WWOX: variants seen among roughly 807,000 people sequenced by gnomAD.
WWOX encodes the protein WW domain containing oxidoreductase, also known as WW domain-containing oxidoreductase.
Under a neutral mutation model 46.2 loss-of-function variants are expected in WWOX, and 69 were observed. The observed-to-expected ratio is 1.49, with a 90% CI of 1.23 to 1.82. The LOEUF (loss-of-function observed/expected upper bound fraction) is 1.82. WWOX is among the 40% of genes most tolerant of loss of function. The pLI, the probability that WWOX is intolerant of heterozygous loss-of-function variation, is 0.00. For synonymous variants in WWOX, 359 were observed against 202.6 expected (o/e 1.77, Z -6.56); for missense variants, 919 against 542.6 (o/e 1.69, Z -6.89).
chr16:78,829,861 T>C (rs2051767828), intron 8 of WWOX, among the ~76,000 whole-genome samples: 1 of 152,126 alleles, frequency 6.6e-6, no homozygotes, highest in African/African-American at 2.4e-5. Flanking sequence ...GTTTTATTAA[T>C]GAGAAAAGCT....
At chr16:78,923,580 A>G (rs998414131) in intron 8 of WWOX, among the ~76,000 whole-genome samples, 1 of 152,094 alleles carries the variant, frequency 6.6e-6, no homozygotes, top group East Asian at 1.9e-4. Context: ...ATAGTGTGTT[A>G]GCAGCTTTTT....
chr16:78,371,033 A>G (rs1228475505), intron 5 of WWOX, among the ~76,000 whole-genome samples: 1 of 84,620 alleles, frequency 1.2e-5, no homozygotes, highest in Non-Finnish European at 2.7e-5. Context: ...TCTTGCTGTT[A>G]TCCTCACTTT....
intron 8 of WWOX, among the ~76,000 whole-genome samples, chr16:79,197,854 C>T (rs1030538665): frequency 1.3e-5 from 2 of 152,104 alleles, no homozygotes. Flanking sequence ...CTCCAGGGAT[C>T]TTGTGTCCTG....
chr16:78,965,870 T>G (rs1477366449), intron 8 of WWOX, among the ~76,000 whole-genome samples: 1 of 152,188 alleles, frequency 6.6e-6, no homozygotes, highest in African/African-American at 2.4e-5. Flanking sequence ...TTAACACTAT[T>G]AGATTTTCCC....
At chr16:78,707,079 G>A (rs1260482400) in intron 8 of WWOX, among the ~76,000 whole-genome samples, 1 of 152,178 alleles carries the variant, frequency 6.6e-6, no homozygotes, top group Admixed American at 6.5e-5. Context: ...CAAGGACAAA[G>A]TGCTGGAATA....
At chr16:78,525,504 A>C (rs1597212027) in intron 8 of WWOX, 1 of 152,196 alleles carries the variant, frequency 6.6e-6, no homozygotes, top group East Asian at 1.9e-4. Context: ...TTATAAAGTC[A>C]AATGGGAGAT....
chr16:78,636,489 T>G (rs984489252), intron 8 of WWOX, among the ~76,000 whole-genome samples: 6 of 152,190 alleles, frequency 3.9e-5, no homozygotes, highest in Non-Finnish European at 7.3e-5. Context: ...CTTAATGAGG[T>G]TCTGCTGTGT....
chr16:78,414,257 C>T (rs1185061262), intron 6 of WWOX, among the ~76,000 whole-genome samples: 2 of 152,182 alleles, frequency 1.3e-5, no homozygotes, highest in Admixed American at 6.5e-5. Context: ...CTCCGTCTGC[C>T]TGCACTCAGG....
chr16:79,211,522 C>A, intron 8 of WWOX, 86 bp from the exon 9 acceptor site: 2 of 1,574,808 alleles, frequency 1.3e-6, no homozygotes, highest in Non-Finnish European at 1.7e-6. Context: ...TGGGGGAGGC[C>A]TGCTAATGCC....
rs139974959 is a variant in WWOX, at chr16:78,278,895, G to T, written c.517-107965G>T. Among the ~76,000 whole-genome samples, 515 of 152,266 alleles carry T rather than the reference G, an allele frequency of 3.4e-3. 1 individual carries two copies. The highest frequency in any genetic ancestry group is 0.012 in the African/African-American group (483 of 41,546). The stretch of plus-strand genomic sequence containing the variant: ...TGTTTTAAAGTGTGTGTGTTTGTGT[G>T]TGCGTGTACGTGTATACATGTGTTT... On this transcript the variant is annotated intron_variant, in intron 5 of 8. Transcript: ENST00000566780.
intron 8 of WWOX, among the ~76,000 whole-genome samples, chr16:78,723,811 C>A (rs184261224): frequency 2.6e-5 from 4 of 152,094 alleles, no homozygotes; most frequent in Admixed American, 2.0e-4. Context: ...ATCACTCAGA[C>A]TAAGCAGTTG....
At chr16:78,235,213 A>G (rs558368185) in intron 5 of WWOX, among the ~76,000 whole-genome samples, 20 of 152,300 alleles carry the variant, frequency 1.3e-4, no homozygotes, top group African/African-American at 4.6e-4. Flanking sequence ...CCTTTCTTCA[A>G]ACAGCTCAGT....
chr16:78,226,175 C>T lies in WWOX; in HGVS notation c.516+61886C>T, dbSNP rs185054096. 3.9e-5 allele frequency among the ~76,000 whole-genome samples: 6 copies of T among 152,278 alleles called. No individual in the cohort carries two copies. In the East Asian group the frequency reaches 1.2e-3, roughly 29 times the overall value. ...GATGAATAGCCTTAAGCCCTCAAAG[C>T]TGAGCCCTTTGGGGTAACTTGCTCT... On this transcript the variant is annotated intron_variant, in intron 5 of 8. Transcript: ENST00000566780.
intron 5 of WWOX, among the ~76,000 whole-genome samples, chr16:78,174,381 A>T (rs1385274285): frequency 1.3e-5 from 2 of 152,146 alleles, no homozygotes; most frequent in African/African-American, 4.8e-5. Context: ...CCCATGATTC[A>T]ATTACCTCCC....
Position 79,000,137 on chromosome 16 carries a change from C to T in WWOX, c.1057-211471C>T, listed in dbSNP as rs553128115. 2.6e-5 allele frequency among the ~76,000 whole-genome samples: 4 copies of T among 152,246 alleles called. No individual in the cohort carries two copies. In the South Asian group the frequency reaches 8.3e-4, roughly 32 times the overall value. On this transcript the variant is annotated intron_variant, in intron 8 of 8. Coordinates refer to ENST00000566780, the MANE Select transcript of WWOX (RefSeq NM_016373.4). The stretch of plus-strand genomic sequence containing the variant: ...ACCATTTGACTGCTGCTCCTTTGTC[C>T]AGACACATTTAACACCATCTCCCTG...
intron 8 of WWOX, among the ~76,000 whole-genome samples, chr16:79,115,158 G>T (rs1180132401): frequency 2.9e-4 from 44 of 152,254 alleles, no homozygotes; most frequent in Non-Finnish European, 2.9e-5. Context: ...CATGTTCTTA[G>T]TCAGTATGGT....
At chr16:79,189,524 C>G (rs1227638960) in intron 8 of WWOX, among the ~76,000 whole-genome samples, 1 of 151,606 alleles carries the variant, frequency 6.6e-6, no homozygotes, top group Non-Finnish European at 1.5e-5. Flanking sequence ...CGGTCTCAAA[C>G]TCCTAGCTTC....
At chr16:78,667,804 A>G (rs183201394) in intron 8 of WWOX, among the ~76,000 whole-genome samples, 129 of 152,174 alleles carry the variant, frequency 8.5e-4, no homozygotes, top group African/African-American at 3.0e-3. Flanking sequence ...CTCTCGCATC[A>G]GCTTGCATCT....
intron 8 of WWOX, among the ~76,000 whole-genome samples, chr16:78,841,272 G>A (rs1488381128): frequency 6.6e-6 from 1 of 152,138 alleles, no homozygotes; most frequent in East Asian, 1.9e-4. Context: ...ACATCATGCA[G>A]CACTGCTCAT....
Sources: allele counts gnomAD v4.1 joint callset (sites outside exome capture counted in the v4.1 genomes callset), GRCh38; gene constraint gnomAD v4.1.1; transcripts MANE v1.5; gene names NCBI Gene and HGNC (gene_info 2026-07-23, HGNC 2026-07-21).